Variants in TNRC6A observed in about 807,000 individuals in gnomAD.
TNRC6A encodes trinucleotide repeat containing adaptor 6A.
Under a neutral mutation model 221.2 loss-of-function variants are expected in TNRC6A, and 44 were observed. The ratio of observed to expected loss-of-function variants is 0.20; its 90% CI spans 0.16 to 0.26. TNRC6A has a LOEUF of 0.26. Among genes scored for constraint, TNRC6A ranks in the 10% least tolerant of loss-of-function variants. The probability of loss-of-function intolerance (pLI) is 1.00; values close to 1 mark genes in which losing one functional copy is unlikely to be tolerated. For synonymous variants in TNRC6A, 847 were observed against 838.5 expected, an observed-to-expected ratio of 1.01 and a Z score of -0.18; for missense variants, 2,199 against 2,404.4, an observed-to-expected ratio of 0.91 and a Z score of 1.79.
chr16:24,693,250 T>C (rs1026910620), intron 2 of TNRC6A, among the ~76,000 whole-genome samples: 11 of 149,696 alleles, frequency 7.3e-5, no homozygotes, highest in African/African-American at 2.7e-4. Flanking sequence ...AGTCCAGGAG[T>C]TCAAGACCAG....
At position 24,815,511 on chromosome 16, in the gene TNRC6A, T is replaced by A. The variant is rs990529349; in HGVS notation, c.4831+206T>A. ...CAGCCTGTTACCTATGCCTTTATGCTCAAGCAGCAGAGGTAGAAGTGAGCC... is the reference window on the plus strand; with the variant it reads ...CAGCCTGTTACCTATGCCTTTATGCACAAGCAGCAGAGGTAGAAGTGAGCC... On this transcript the variant is annotated intron_variant, in intron 19 of 24. Transcript: ENST00000395799. 5.0e-6 allele frequency: 3 copies of A among 595,626 alleles called. No homozygotes were observed. The African/African-American group carries it at 5.6e-5, about 11-fold the overall frequency. The allele number at this position is 595,626 out of a possible 1,614,324, so 36.9% of individuals were successfully genotyped here.
At chr16:24,783,160 G>A (rs566382594) in intron 5 of TNRC6A, among the ~76,000 whole-genome samples, 34 of 150,944 alleles carry the variant, frequency 2.3e-4, no homozygotes, top group African/African-American at 8.0e-4. Flanking sequence ...AAACAGTCTC[G>A]CTCTGTTGCC....
In TNRC6A at chr16:24,664,562, A is replaced by G. The variant is rs1006051070; in HGVS notation, n.402+23553A>G. Among the ~76,000 whole-genome samples, 13 of 143,930 alleles carry G rather than the reference A, an allele frequency of 9.0e-5. No homozygotes were observed. The South Asian group carries it at 1.5e-3, about 16-fold the overall frequency. 94.4% of individuals were successfully genotyped at this position (143,930 alleles called of 152,430 possible). A position where few individuals can be genotyped will look rare whatever the true frequency, so the allele number is the denominator to read the frequency against. ...TTTTAAAATATAATATATTTTTAAT[A>G]ATATATTTTAATTTATTTAAATATT... On this transcript the variant is annotated intron_variant and non_coding_transcript_variant, in intron 2 of 2. Coordinates refer to the TNRC6A transcript ENST00000566108.
At chr16:24,773,758 T>C (rs545235148) in intron 4 of TNRC6A, among the ~76,000 whole-genome samples, 2 of 152,330 alleles carry the variant, frequency 1.3e-5, no homozygotes, top group African/African-American at 4.8e-5. Flanking sequence ...ATATGAAATT[T>C]GTCTTATCCT....
chr16:24,806,967 C>G (rs1262198624), intron 17 of TNRC6A, among the ~76,000 whole-genome samples, 183 bp downstream of exon 17: 1 of 151,874 alleles, frequency 6.6e-6, no homozygotes, highest in African/African-American at 2.4e-5. Flanking sequence ...GGGAAGGTCT[C>G]TCTCCTCAAG....
intron 6 of TNRC6A, chr16:24,793,240 A>G: frequency 3.2e-6 from 1 of 313,602 alleles, no homozygotes; most frequent in East Asian, 5.1e-5. Flanking sequence ...CTCTAGGTCT[A>G]GAGGGTAATT....
intron 2 of TNRC6A, among the ~76,000 whole-genome samples, chr16:24,739,478 CTTTTT>C (rs71383710): frequency 8.5e-6 from 1 of 118,294 alleles, no homozygotes; most frequent in Non-Finnish European, 1.7e-5. Flanking sequence ...TTTCCTTTCA[CTTTTT>C]TTTTTTTTTT....
intron 4 of TNRC6A, chr16:24,776,445 G>GT: frequency 1.0e-6 from 1 of 985,396 alleles, no homozygotes; most frequent in Non-Finnish European, 1.2e-6. Flanking sequence ...AAACCAGCAG[G>GT]TTGTTTTCTA....
chr16:24,729,146 A>G (rs1409646062), upstream of TNRC6A, among the ~76,000 whole-genome samples: 1 of 151,906 alleles, frequency 6.6e-6, no homozygotes, highest in Non-Finnish European at 1.5e-5. Flanking sequence ...AAGCCTCACA[A>G]CCCGCCTCAG....
chr16:24,790,912 C>T lies in TNRC6A; in HGVS notation c.2270C>T (p.Ala757Val). ...DNGTEAWGSSATQTFNSGACI... is the reference protein window; with the variant it reads ...DNGTEAWGSSVTQTFNSGACI... The stretch of plus-strand genomic sequence containing the variant: ...GGGACAGAGGCCTGGGGAAGCTCTG[C>T]AACACAGACTTTTAACTCAGGGGCA... Residue 757 changes from alanine (A) to valine (V), a missense_variant, in exon 6 of 25, where the codon GCA becomes GTA. Physicochemically the swap from Ala to Val is moderately conservative, Grantham distance 64 (BLOSUM62 0). Around this residue, in one of 8 missense-constraint regions of TNRC6A, gnomAD observed 1,405 missense variants for 1,400.2 expected, o/e 1.00. Transcript: ENST00000395799. The T allele has an allele frequency of 6.2e-7, 1 of 1,613,946 alleles. No homozygotes were observed.
intron 1 of TNRC6A, among the ~76,000 whole-genome samples, chr16:24,621,083 CA>C (rs56266931): frequency 0.17 from 7,142 of 42,868 alleles, 48 homozygotes; most frequent in African/African-American, 0.2. Context: ...GACGCCGTCT[CA>C]AAAAAAAAAA....
intron 4 of TNRC6A, among the ~76,000 whole-genome samples, chr16:24,768,275 C>T (rs1287674996): frequency 6.6e-6 from 1 of 151,802 alleles, no homozygotes; most frequent in Non-Finnish European, 1.5e-5. Context: ...ACTAAAAACA[C>T]AAAAAATTAG....
rs747957551 is a variant in TNRC6A at position 24,816,902 on chromosome 16, A to C, written c.4918A>C (p.Asn1640His). 1.2e-6 allele frequency: 2 copies of C among 1,614,180 alleles called. No individual in the cohort carries two copies. Among genetic ancestry groups the C allele is most frequent in the South Asian group, 2.2e-5 (2 of 91,080 alleles). The change falls in exon 20 of 25, where the codon AAT becomes CAT. Residue 1640 changes from asparagine to histidine, a missense_variant. Transcript: ENST00000395799. ...PYVTPGSVIN[N>H]LSINTVREVD... is the part of the protein sequence containing the mutation. ...CGTCACTCCTGGCAGTGTCATAAAC[A>C]ATCTTTCAATTAATACTGTGCGGGA...
chr16:24,794,067 A>G (rs923467859), intron 7 of TNRC6A, among the ~76,000 whole-genome samples: 5 of 152,194 alleles, frequency 3.3e-5, no homozygotes, highest in Admixed American at 1.3e-4. Context: ...TGAAATTAAC[A>G]TTGTCATTAT....
intron 2 of TNRC6A, among the ~76,000 whole-genome samples, chr16:24,671,562 G>A (rs1393644829): frequency 6.6e-6 from 1 of 152,226 alleles, no homozygotes; most frequent in African/African-American, 2.4e-5. Flanking sequence ...GCACTGCCTG[G>A]GGAGTAGAAT....
chr16:24,806,423 G>A (rs2058433144), intron 16 of TNRC6A, 140 bp downstream of exon 16: 1 of 1,357,940 alleles, frequency 7.4e-7, no homozygotes, highest in South Asian at 1.3e-5. Flanking sequence ...CATTAAGTCT[G>A]CTGGTTGCCC....
At chr16:24,711,557 A>G (rs759500636) in intron 2 of TNRC6A, among the ~76,000 whole-genome samples, 4 of 152,090 alleles carry the variant, frequency 2.6e-5, no homozygotes, top group Non-Finnish European at 5.9e-5. Flanking sequence ...TGCATTTTCT[A>G]GACTTTTGTA....
intron 2 of TNRC6A, among the ~76,000 whole-genome samples, chr16:24,648,509 A>G (rs570058666): frequency 5.3e-5 from 8 of 151,814 alleles, no homozygotes; most frequent in Non-Finnish European, 8.8e-5. Context: ...TGACCTCATG[A>G]TTCACCCGCC....
At chr16:24,672,425 G>A (rs1189323847) in intron 2 of TNRC6A, among the ~76,000 whole-genome samples, 2 of 150,344 alleles carry the variant, frequency 1.3e-5, no homozygotes, top group Non-Finnish European at 3.0e-5. Flanking sequence ...ACCGCGCCTG[G>A]CCCTTTGTTT....
Sources: gnomAD v4.1 joint callset for allele counts (sites outside exome capture counted in the v4.1 genomes callset) on GRCh38, gnomAD v4.1.1 for gene constraint, gnomAD v4.1.1 regional missense constraint, MANE v1.5 for transcripts, NCBI Gene and HGNC (gene_info 2026-07-23, HGNC 2026-07-21) for gene names.